Variants in PLCB4 observed in about 807,000 individuals in gnomAD.
The protein encoded by PLCB4 is 1-phosphatidylinositol 4,5-bisphosphate phosphodiesterase beta-4.
PLCB4 carries 77 observed loss-of-function variants against 178.8 expected under a neutral mutation model. The ratio of observed to expected loss-of-function variants is 0.43; its 90% CI spans 0.36 to 0.52. The LOEUF (loss-of-function observed/expected upper bound fraction) is 0.52, where lower values mean the gene tolerates loss of function less well. PLCB4 is among the 20% of genes least tolerant of loss of function. The pLI, the probability that PLCB4 is intolerant of heterozygous loss-of-function variation, is 0.00. For missense variants in PLCB4, 1,024 were observed against 1,453.4 expected, an observed-to-expected ratio of 0.70 and a Z score of 4.80; for synonymous variants, 496 against 490.8, an observed-to-expected ratio of 1.01 and a Z score of -0.14.
At chr20:9,412,903 A>C (rs1351513375) in intron 25 of PLCB4, among the ~76,000 whole-genome samples, 1 of 152,214 alleles carries the variant, frequency 6.6e-6, no homozygotes, top group African/African-American at 2.4e-5. Flanking sequence ...CCACTTTACC[A>C]TGTTTAACAA....
chr20:9,238,414 C>CG (rs2094018046), intron 3 of PLCB4, among the ~76,000 whole-genome samples: 3 of 152,146 alleles, frequency 2.0e-5, no homozygotes, highest in Admixed American at 2.0e-4. Flanking sequence ...TGACCCCCCC[C>CG]CGAGGGACAC....
chr20:9,241,663 A>G (rs1371059945), intron 3 of PLCB4, among the ~76,000 whole-genome samples: 1 of 152,176 alleles, frequency 6.6e-6, no homozygotes, highest in African/African-American at 2.4e-5. Flanking sequence ...AGCCAAAATA[A>G]GGAGAGCTCC....
intron 2 of PLCB4, among the ~76,000 whole-genome samples, chr20:9,152,189 G>A (rs1420257405): frequency 1.3e-5 from 2 of 152,116 alleles, no homozygotes; most frequent in African/African-American, 4.8e-5. Context: ...GACTGTGACA[G>A]AAAAGAAAAA....
At chr20:9,473,202 A>T in intron 37 of PLCB4, 77 bp from the exon 38 acceptor site, 1 of 834,798 alleles carries the variant, frequency 1.2e-6, no homozygotes, top group African/African-American at 1.8e-5. Context: ...TTATAAAGTT[A>T]CAAGTCATCT....
At chr20:9,406,154 A>C (rs2039419512) in intron 21 of PLCB4, among the ~76,000 whole-genome samples, 1 of 152,124 alleles carries the variant, frequency 6.6e-6, no homozygotes, top group Non-Finnish European at 1.5e-5. Context: ...AAGTTATTTT[A>C]ATTCTCAAGG....
chr20:9,426,066 C>G (rs1247179504), intron 28 of PLCB4, among the ~76,000 whole-genome samples: 3 of 151,646 alleles, frequency 2.0e-5, no homozygotes, highest in Non-Finnish European at 4.4e-5. Flanking sequence ...TCCACAGGAA[C>G]AAGTTCAAGA....
chr20:9,078,713 TC>T (rs1242331039), intron 1 of PLCB4, among the ~76,000 whole-genome samples: 5 of 152,166 alleles, frequency 3.3e-5, no homozygotes, highest in Non-Finnish European at 7.3e-5. Context: ...TTGCAGGAAA[TC>T]TAGGTCACTG....
chr20:9,327,814 T>C (rs2030951144), intron 4 of PLCB4, among the ~76,000 whole-genome samples: 1 of 152,060 alleles, frequency 6.6e-6, no homozygotes, highest in Non-Finnish European at 1.5e-5. Context: ...AAAAAATCAA[T>C]ACTAATTTAC....
intron 34 of PLCB4, among the ~76,000 whole-genome samples, chr20:9,459,348 A>G (rs1459003521): frequency 1.3e-5 from 2 of 149,154 alleles, no homozygotes; most frequent in African/African-American, 2.5e-5. Flanking sequence ...TATCTAAAAA[A>G]ACAAAACAAA....
chr20:9,376,649 G>A (rs2036700122), intron 12 of PLCB4, among the ~76,000 whole-genome samples: 1 of 152,144 alleles, frequency 6.6e-6, no homozygotes, highest in African/African-American at 2.4e-5. Flanking sequence ...CTTGGCTTTG[G>A]TTAGTTTTAC....
intron 2 of PLCB4, among the ~76,000 whole-genome samples, chr20:9,148,382 G>T (rs890862995): frequency 2.6e-5 from 4 of 152,140 alleles, no homozygotes; most frequent in Non-Finnish European, 5.9e-5. Context: ...TTTGAAATAG[G>T]AAGAATAGAG....
At chr20:9,154,280 C>T (rs549940501) in intron 2 of PLCB4, among the ~76,000 whole-genome samples, 15 of 152,308 alleles carry the variant, frequency 9.8e-5, no homozygotes, top group South Asian at 4.1e-4. Flanking sequence ...CACATGGTCA[C>T]ATCTCAGTGC....
chr20:9,273,130 G>A (rs1014784657), intron 3 of PLCB4, among the ~76,000 whole-genome samples: 2 of 152,108 alleles, frequency 1.3e-5, no homozygotes, highest in Non-Finnish European at 2.9e-5. Context: ...CAAGTAGCAT[G>A]CAGGAAGGAT....
intron 3 of PLCB4, among the ~76,000 whole-genome samples, chr20:9,250,879 CATTACTCCAGTAAT>C (rs2094173544): frequency 6.6e-6 from 1 of 152,232 alleles, no homozygotes; most frequent in South Asian, 2.1e-4. Context: ...TTCCATGTCA[CATTACTCCAGTAAT>C]ATTCTCTGTG....
chr20:9,306,553 A>C (rs1489605687), intron 3 of PLCB4, among the ~76,000 whole-genome samples: 1 of 152,262 alleles, frequency 6.6e-6, no homozygotes, highest in Non-Finnish European at 1.5e-5. Flanking sequence ...TTTTAGGAAC[A>C]GAATATACTC....
chr20:9,107,576 G>A (rs1030338239), intron 2 of PLCB4, among the ~76,000 whole-genome samples: 2 of 152,134 alleles, frequency 1.3e-5, no homozygotes, highest in African/African-American at 2.4e-5. Context: ...AGGCAGAGGT[G>A]AGCCTGCTGT....
At chr20:9,103,546 G>A (rs1190934805) in intron 2 of PLCB4, among the ~76,000 whole-genome samples, 3 of 152,076 alleles carry the variant, frequency 2.0e-5, no homozygotes, top group Admixed American at 1.3e-4. Context: ...TGAAGGCTCT[G>A]GAAAACTCTT....
chr20:9,342,677 G>A (rs1181349867), intron 7 of PLCB4, among the ~76,000 whole-genome samples: 1 of 142,554 alleles, frequency 7.0e-6, no homozygotes, highest in Non-Finnish European at 1.5e-5. Context: ...TTTTCCCCCT[G>A]TACTTTACTC....
chr20:9,271,634 G>T (rs976278258), intron 3 of PLCB4, among the ~76,000 whole-genome samples: 1 of 152,028 alleles, frequency 6.6e-6, no homozygotes, highest in Non-Finnish European at 1.5e-5. Flanking sequence ...AAATGTTTCC[G>T]AACAATGTGA....
Sources: allele counts gnomAD v4.1 joint callset (sites outside exome capture counted in the v4.1 genomes callset), GRCh38; gene constraint gnomAD v4.1.1; transcripts MANE v1.5; gene names NCBI Gene and HGNC (gene_info 2026-07-23, HGNC 2026-07-21).